CCDC102B: variants seen among roughly 807,000 people sequenced by gnomAD.
The protein encoded by CCDC102B is coiled-coil domain-containing protein 102B.
Under a neutral mutation model 57.4 loss-of-function variants are expected in CCDC102B, and 75 were observed. The ratio of observed to expected loss-of-function variants is 1.31; its 90% CI spans 1.08 to 1.58. The LOEUF (loss-of-function observed/expected upper bound fraction) is 1.58. Among genes scored for constraint, CCDC102B ranks in the 40% most tolerant of loss-of-function variants. CCDC102B has a pLI of 0.00. For missense variants in CCDC102B, 636 were observed against 582.6 expected (o/e 1.09, Z -0.94); for synonymous variants, 206 against 201.9 (o/e 1.02, Z -0.17).
chr18:68,861,512 C>T (rs2038756556), intron 4 of CCDC102B, among the ~76,000 whole-genome samples: 1 of 152,004 alleles, frequency 6.6e-6, no homozygotes, highest in Non-Finnish European at 1.5e-5. Flanking sequence ...TTAGATGAGA[C>T]CAGAGTAGCA....
intron 2 of CCDC102B, among the ~76,000 whole-genome samples, chr18:68,778,647 C>G (rs931430525): frequency 2.0e-5 from 3 of 151,994 alleles, no homozygotes; most frequent in Non-Finnish European, 4.4e-5. Flanking sequence ...ATTCCCAAAT[C>G]CCGCATGCAT....
intron 2 of CCDC102B, among the ~76,000 whole-genome samples, chr18:68,747,799 C>T (rs1164441902): frequency 6.6e-6 from 1 of 152,050 alleles, no homozygotes; most frequent in Non-Finnish European, 1.5e-5. Flanking sequence ...GGGTGTTGGC[C>T]ACTGTGAATA....
chr18:68,884,201 G>A (rs548129479), intron 5 of CCDC102B, among the ~76,000 whole-genome samples: 2 of 152,160 alleles, frequency 1.3e-5, no homozygotes, highest in East Asian at 3.9e-4. Flanking sequence ...ACCTTGTTAA[G>A]ATACAGCACT....
intron 1 of CCDC102B, among the ~76,000 whole-genome samples, chr18:68,807,872 A>C (rs946956738): frequency 5.3e-5 from 8 of 152,198 alleles, no homozygotes; most frequent in African/African-American, 1.9e-4. Context: ...AACACTTAAA[A>C]AAAAAGATGA....
intron 7 of CCDC102B, among the ~76,000 whole-genome samples, chr18:69,022,219 ATAT>A (rs2051858533): frequency 4.7e-5 from 3 of 63,982 alleles, no homozygotes; most frequent in South Asian, 1.0e-3. Flanking sequence ...ATATATATAT[ATAT>A]AACACACACA....
intron 7 of CCDC102B, among the ~76,000 whole-genome samples, chr18:69,017,307 C>G (rs2051697640): frequency 1.3e-5 from 2 of 151,768 alleles, no homozygotes; most frequent in African/African-American, 4.8e-5. Flanking sequence ...TGTTTTTCTG[C>G]AGAGATGGGG....
chr18:68,815,135 G>A (rs1264537196), intron 1 of CCDC102B, among the ~76,000 whole-genome samples: 1 of 152,008 alleles, frequency 6.6e-6, no homozygotes, highest in African/African-American at 2.4e-5. Context: ...TTGTTCTGAG[G>A]TTTTAAGTCA....
At chr18:68,766,669 G>A (rs2144603565) in intron 2 of CCDC102B, among the ~76,000 whole-genome samples, 1 of 152,206 alleles carries the variant, frequency 6.6e-6, no homozygotes, top group Non-Finnish European at 1.5e-5. Flanking sequence ...GAGTCTGGTG[G>A]CCCCTTTCTT....
intron 6 of CCDC102B, among the ~76,000 whole-genome samples, chr18:68,959,594 C>T (rs749664389): frequency 6.6e-6 from 1 of 152,046 alleles, no homozygotes; most frequent in Non-Finnish European, 1.5e-5. Flanking sequence ...TTCAGGGCAG[C>T]GAGTTCCCCT....
chr18:68,775,265 T>C (rs1469785549), intron 2 of CCDC102B, among the ~76,000 whole-genome samples: 2 of 152,120 alleles, frequency 1.3e-5, no homozygotes, highest in African/African-American at 2.4e-5. Context: ...ACCTTTGTTA[T>C]ATATTTTTTA....
At chr18:68,836,233 G>C (rs1032738582) in intron 1 of CCDC102B, among the ~76,000 whole-genome samples, 1 of 152,072 alleles carries the variant, frequency 6.6e-6, no homozygotes, top group African/African-American at 2.4e-5. Flanking sequence ...ATTTTTATTT[G>C]TATTTGGCAA....
chr18:68,786,007 A>C (rs201460855), intron 2 of CCDC102B, among the ~76,000 whole-genome samples: 1 of 151,748 alleles, frequency 6.6e-6, no homozygotes, highest in African/African-American at 2.4e-5. Flanking sequence ...ATTTTTGTAT[A>C]AGGTGTAAGG....
At chr18:68,776,005 T>C (rs1003883117) in intron 2 of CCDC102B, among the ~76,000 whole-genome samples, 1 of 152,208 alleles carries the variant, frequency 6.6e-6, no homozygotes, top group East Asian at 1.9e-4. Context: ...CTAATTCTAC[T>C]GTAATATATC....
At chr18:68,872,061 GA>G (rs2144921883) in intron 4 of CCDC102B, among the ~76,000 whole-genome samples, 1 of 134,646 alleles carries the variant, frequency 7.4e-6, no homozygotes, top group South Asian at 2.5e-4. Context: ...TGTGGCATGT[GA>G]GAGAATAAAG....
chr18:68,868,806 C>A (rs889979846), intron 4 of CCDC102B, among the ~76,000 whole-genome samples: 24 of 152,092 alleles, frequency 1.6e-4, no homozygotes, highest in Non-Finnish European at 5.9e-5. Context: ...AAAAATGACT[C>A]AAACTCAGTG....
intron 2 of CCDC102B, among the ~76,000 whole-genome samples, chr18:68,732,643 G>C (rs1427276403): frequency 6.6e-6 from 1 of 152,022 alleles, no homozygotes; most frequent in Non-Finnish European, 1.5e-5. Context: ...CACAGCGCCC[G>C]GCCTACTTGA....
chr18:68,828,322 C>CAAAAAAAAAAAA (rs58180806), intron 1 of CCDC102B, among the ~76,000 whole-genome samples: 2 of 80,800 alleles, frequency 2.5e-5, no homozygotes, highest in East Asian at 3.4e-4. Context: ...ACCCTATTTA[C>CAAAAAAAAAAAA]AAAAAAAAAA....
intron 6 of CCDC102B, among the ~76,000 whole-genome samples, chr18:68,982,533 T>C (rs1463997832): frequency 6.6e-6 from 1 of 151,984 alleles, no homozygotes; most frequent in Admixed American, 6.6e-5. Flanking sequence ...GGCACTCTGA[T>C]TTGGATTGCA....
In CCDC102B at chr18:68,885,135, C is replaced by T. The variant is rs183982529; in HGVS notation, c.1053+10350C>T. On this transcript the variant is annotated intron_variant, in intron 5 of 7. Coordinates refer to ENST00000360242, the MANE Select transcript of CCDC102B (RefSeq NM_024781.3). ...TACATAAAATGTAACATGGAGAAAA[C>T]GAAAATATTGCTCTTAGGACATGGA... 5.8e-3 allele frequency among the ~76,000 whole-genome samples: 877 copies of T among 151,650 alleles called. 4 individuals carry two copies. Among genetic ancestry groups the T allele is most frequent in the Middle Eastern group, 0.017 (5 of 294 alleles).
Sources: gnomAD v4.1 joint callset for allele counts (sites outside exome capture counted in the v4.1 genomes callset) on GRCh38, gnomAD v4.1.1 for gene constraint, MANE v1.5 for transcripts, NCBI Gene and HGNC (gene_info 2026-07-23, HGNC 2026-07-21) for gene names.